The following KRT73 variants were observed in gnomAD, a reference collection of about 807,000 sequenced individuals.
KRT73 encodes the protein keratin 73, also known as keratin, type II cytoskeletal 73.
Under a neutral mutation model 47.2 loss-of-function variants are expected in KRT73, and 44 were observed. The observed-to-expected ratio is 0.93, with a 90% CI of 0.73 to 1.20. The LOEUF (loss-of-function observed/expected upper bound fraction) is 1.20. Among genes scored for constraint, KRT73 ranks in the 50% most tolerant of loss-of-function variants. The pLI, the probability that KRT73 is intolerant of heterozygous loss-of-function variation, is 0.00. For synonymous variants in KRT73, 285 were observed against 291.3 expected, an observed-to-expected ratio of 0.98 and a Z score of 0.22; for missense variants, 713 against 704.5, an observed-to-expected ratio of 1.01 and a Z score of -0.14.
At chr12:52,612,932 C>G (rs1940732770) in intron 5 of KRT73, 1 of 152,218 alleles carries the variant, frequency 6.6e-6, no homozygotes, top group South Asian at 2.1e-4. Context: ...ATTCCTGACC[C>G]TAGCTTGCAA....
chr12:52,622,130 A>G (rs1249287086), upstream of KRT73, among the ~76,000 whole-genome samples: 4 of 152,162 alleles, frequency 2.6e-5, no homozygotes, highest in Non-Finnish European at 5.9e-5. Context: ...CTCAAATTGA[A>G]TGAAAAAAAA....
rs762978709 is a variant in KRT73, at chr12:52,614,664, G to A, written c.734C>T (p.Ala245Val). Residue 245 changes from alanine to valine, a missense_variant, in exon 4 of 9, where the codon GCA (alanine) becomes GTA (valine). By Grantham distance (64) the Ala-to-Val change is moderately conservative (BLOSUM62 0). Coordinates refer to ENST00000305748, the MANE Select transcript of KRT73 (RefSeq NM_175068.3). ...CAGCTCCACTTTGCTCGTGTAAGCT[G>A]CGTCCACGTCCTATGGAGAATCCAG... is the stretch of plus-strand genomic sequence containing the variant. ...EFVVLKKDVD[A>V]AYTSKVELQA... 1 of 1,613,434 alleles carries A rather than the reference G, an allele frequency of 6.2e-7. No individual in the cohort carries two copies. The highest frequency in any genetic ancestry group is 1.3e-5 in the African/African-American group (1 of 74,890).
At chr12:52,621,603 G>T (rs1940908385), upstream of KRT73, among the ~76,000 whole-genome samples, 1 of 152,118 alleles carries the variant, frequency 6.6e-6, no homozygotes, top group Admixed American at 6.5e-5. Flanking sequence ...GAAAGGCTCA[G>T]ATTTTTAAAG....
At chr12:52,610,526 G>T in intron 7 of KRT73, 89 bp downstream of exon 7, 1 of 401,426 alleles carries the variant, frequency 2.5e-6, no homozygotes. Flanking sequence ...TCGCCAGCTC[G>T]CCGCCCCCTC....
intron 2 of KRT73, 80 bp from the exon 3 acceptor site, chr12:52,615,419 G>C: frequency 8.8e-7 from 1 of 1,132,330 alleles, no homozygotes; most frequent in South Asian, 1.3e-5. Flanking sequence ...TGAGAAAAGA[G>C]ATACCCATAT....
the KRT73 span, among the ~76,000 whole-genome samples, chr12:52,627,587 C>T: frequency 6.6e-6 from 1 of 152,148 alleles, no homozygotes; most frequent in Non-Finnish European, 1.5e-5. Context: ...GAGAGTTGCC[C>T]TTGTGACCCA....
rs1940812678 is a variant in KRT73 at position 52,616,318 on chromosome 12, C to T, written c.510G>A (p.Leu170=). The T allele has an allele frequency of 1.2e-6, 2 of 1,614,054 alleles. No individual in the cohort carries two copies. Among genetic ancestry groups the T allele is most frequent in the Non-Finnish European group, 1.7e-6 (2 of 1,180,044 alleles). Residue 170 remains leucine, a synonymous_variant, in exon 2 of 9, where the codon CTG becomes CTA. Coordinates refer to ENST00000305748, the MANE Select transcript of KRT73 (RefSeq NM_175068.3). ...GGTTATTCTTGCAGTTGTTCAGGTCCAGCTGCTGTAGCAGCTCCCACTTGG... is the reference window on the plus strand; with the variant it reads ...GGTTATTCTTGCAGTTGTTCAGGTCTAGCTGCTGTAGCAGCTCCCACTTGG... ...LETKWELLQQ[L]DLNNCKNNLE...
chr12:52,615,777 C>T (rs922061244), intron 2 of KRT73, among the ~76,000 whole-genome samples: 19 of 152,120 alleles, frequency 1.2e-4, no homozygotes, highest in Admixed American at 4.6e-4. Flanking sequence ...TGTCCAGGAC[C>T]GAAAGGCAAT....
chr12:52,624,793 A>G, the KRT73 span, among the ~76,000 whole-genome samples: 2 of 140,708 alleles, frequency 1.4e-5, no homozygotes, highest in African/African-American at 5.6e-5. Flanking sequence ...CATAACAGAA[A>G]CAAAAAGCAC....
chr12:52,617,952 G>C, intron 1 of KRT73, 126 bp downstream of exon 1: 1 of 1,082,038 alleles, frequency 9.2e-7, no homozygotes, highest in South Asian at 1.6e-5. Context: ...TTTACCTGGT[G>C]TCTGATTTTG....
At chr12:52,629,655 C>A in the KRT73 span, among the ~76,000 whole-genome samples, 6 of 152,222 alleles carry the variant, frequency 3.9e-5, no homozygotes, top group Non-Finnish European at 7.3e-5. Context: ...CTATGTAGAG[C>A]AGTTCATGTT....
At chr12:52,612,742 T>G (rs1482905064) in intron 5 of KRT73, 1 of 152,234 alleles carries the variant, frequency 6.6e-6, no homozygotes, top group Non-Finnish European at 1.5e-5. Flanking sequence ...CAGAGTCACC[T>G]TCTGATTTTC....
intron 6 of KRT73, 169 bp from the exon 7 acceptor site, chr12:52,611,004 G>A (rs1201305942): frequency 1.1e-5 from 10 of 892,412 alleles, no homozygotes; most frequent in East Asian, 2.6e-5. Context: ...GGCTTGCTAC[G>A]CTGGGCCCCA....
chr12:52,618,556 C>T lies in KRT73; in HGVS notation c.-32G>A. On this transcript the variant is annotated 5_prime_UTR_variant, in exon 1 of 9. Transcript: ENST00000305748. Reference sequence around the variant, plus strand: ...GAGGCCAGAAAGTGGGGATAAGATGCTGACCCTTAGCTGAGATGCAGTTCA... The same window carrying T: ...GAGGCCAGAAAGTGGGGATAAGATGTTGACCCTTAGCTGAGATGCAGTTCA... 6.4e-7 allele frequency: 1 copy of T among 1,564,306 alleles called. No individual in the cohort carries two copies. Among genetic ancestry groups the T allele is most frequent in the Non-Finnish European group, 8.7e-7 (1 of 1,155,984 alleles).
upstream of KRT73, among the ~76,000 whole-genome samples, chr12:52,620,722 A>G (rs600447): frequency 2.0e-5 from 3 of 151,914 alleles, no homozygotes; most frequent in East Asian, 1.9e-4. Context: ...TGGCCTTCTC[A>G]TCTTGTGAAC....
chr12:52,614,490 T>A (rs1940770001), intron 4 of KRT73, 89 bp downstream of exon 4: 23 of 1,159,714 alleles, frequency 2.0e-5, no homozygotes, highest in Non-Finnish European at 2.8e-5. Flanking sequence ...TGCCCTGGAC[T>A]GCTTAAGTTA....
At chr12:52,626,514 C>T in the KRT73 span, among the ~76,000 whole-genome samples, 1 of 152,298 alleles carries the variant, frequency 6.6e-6, no homozygotes, top group Admixed American at 6.5e-5. Flanking sequence ...TTTAACAGCA[C>T]AATCAGGAGC....
At chr12:52,611,757 G>A (rs1191325137) in intron 5 of KRT73, among the ~76,000 whole-genome samples, 1 of 152,074 alleles carries the variant, frequency 6.6e-6, no homozygotes, top group African/African-American at 2.4e-5. Context: ...GATGTCCCAC[G>A]TGTTCTTTTG....
At chr12:52,629,559 C>T in the KRT73 span, among the ~76,000 whole-genome samples, 1 of 152,186 alleles carries the variant, frequency 6.6e-6, no homozygotes. Flanking sequence ...GCCCCAGGGC[C>T]CCAGCTGCCT....
Sources: allele counts gnomAD v4.1 joint callset (sites outside exome capture counted in the v4.1 genomes callset), GRCh38; gene constraint gnomAD v4.1.1; transcripts MANE v1.5; gene names NCBI Gene and HGNC (gene_info 2026-07-23, HGNC 2026-07-21).